The following ATXN2 variants were observed in gnomAD, a reference collection of about 807,000 sequenced individuals.
The protein encoded by ATXN2 is ataxin-2.
ATXN2 carries 37 observed loss-of-function variants against 138.6 expected under a neutral mutation model. That is an observed-to-expected ratio of 0.27 (90% CI 0.21 to 0.35). The LOEUF is 0.35. ATXN2 is among the 10% of genes least tolerant of loss of function. The pLI is 1.00. For synonymous variants in ATXN2, 549 were observed against 543.7 expected (o/e 1.01, Z -0.13); for missense variants, 1,216 against 1,480.3 (o/e 0.82, Z 2.93).
chr12:111,454,100 C>T (rs191263137), intron 23 of ATXN2: 13 of 375,608 alleles, frequency 3.5e-5, no homozygotes, highest in Non-Finnish European at 6.2e-5. Flanking sequence ...CTGTGCTGTC[C>T]TAACCCTTGA....
Position 111,551,295 on chromosome 12 carries a change from CAA to C in ATXN2, c.571+983_571+984del, listed in dbSNP as rs57267901. ...CAGGGGACAGAACAAGACTCCGTCT[CAA>C]AAAAAAAAAAAAAAAGAATTTGAGA... On this transcript the variant is annotated intron_variant, in intron 5 of 24. Coordinates refer to ENST00000673436, the MANE Select transcript of ATXN2 (RefSeq NM_001372574.1). Among the ~76,000 whole-genome samples the C allele has an allele frequency of 4.4e-4, 36 of 82,174 alleles. No homozygotes were observed. The South Asian group carries it at 5.2e-3, about 12-fold the overall frequency. 53.9% of individuals were successfully genotyped at this position (82,174 alleles called of 152,430 possible). A position where few individuals can be genotyped will look rare whatever the true frequency, so the allele number is the denominator to read the frequency against.
At chr12:111,475,692 C>A (rs897641906) in intron 18 of ATXN2, among the ~76,000 whole-genome samples, 4 of 150,248 alleles carry the variant, frequency 2.7e-5, no homozygotes, top group Non-Finnish European at 4.4e-5. Context: ...TTTAAAAAGG[C>A]AACTGATTTT....
chr12:111,569,170 C>T (rs1274938436), intron 1 of ATXN2, among the ~76,000 whole-genome samples: 1 of 152,116 alleles, frequency 6.6e-6, no homozygotes, highest in Non-Finnish European at 1.5e-5. Context: ...GTTCAAATTC[C>T]GGCTCCATCA....
chr12:111,590,163 G>A (rs978905649), intron 1 of ATXN2, among the ~76,000 whole-genome samples: 8 of 152,054 alleles, frequency 5.3e-5, no homozygotes, highest in African/African-American at 1.4e-4. Context: ...ACAGTGAGCC[G>A]AGATTATGCC....
Position 111,518,323 on chromosome 12 carries a change from A to G in ATXN2, c.1091T>C (p.Met364Thr). The G allele has an allele frequency of 6.2e-7, 1 of 1,613,384 alleles. No homozygotes were observed. The highest frequency in any genetic ancestry group is 8.5e-7 in the Non-Finnish European group (1 of 1,179,472). The change falls in exon 9 of 25, where the codon ATG becomes ACG. Residue 364 changes from methionine to threonine, a missense_variant. Around this residue, in one of 4 missense-constraint regions of ATXN2, gnomAD observed 401 missense variants for 528.1 expected, o/e 0.76. Transcript: ENST00000673436. The stretch of plus-strand genomic sequence containing the variant: ...AGTGTGAGAAGTGGATCTTGATGGC[A>G]TGGAGCCCGATCCAGGCTGGCCCAT... ...PRMGQPGSGSMPSRSTSHTSD... is the reference protein window; with the variant it reads ...PRMGQPGSGSTPSRSTSHTSD...
At chr12:111,523,772 A>G (rs188744258) in intron 6 of ATXN2, among the ~76,000 whole-genome samples, 1 of 150,434 alleles carries the variant, frequency 6.6e-6, no homozygotes, top group African/African-American at 2.4e-5. Flanking sequence ...TGAAAAAAAA[A>G]AAAATCCTGG....
At position 111,510,406 on chromosome 12, in the gene ATXN2, C is replaced by A. The variant is rs1472933301; in HGVS notation, c.1735G>T (p.Ala579Ser). 1.9e-6 allele frequency: 3 copies of A among 1,614,130 alleles called. No individual in the cohort carries two copies. Among genetic ancestry groups the A allele is most frequent in the Non-Finnish European group, 1.7e-6 (2 of 1,180,024 alleles). The change falls in exon 12 of 25, where the codon GCT becomes TCT. Residue 579 changes from alanine (A) to serine (S), a missense_variant. Physicochemically the swap from Ala to Ser is moderately conservative, Grantham distance 99. Coordinates refer to ENST00000673436, the MANE Select transcript of ATXN2 (RefSeq NM_001372574.1). The stretch of plus-strand genomic sequence containing the variant: ...ATACCCTCACTAGAAGGGGTAACAG[C>A]TCTGTTCGATGCAGGACTAGCAGGC... ...PTPASPASNRAVTPSSEAKDS... is the reference protein window; with the variant it reads ...PTPASPASNRSVTPSSEAKDS...
intron 1 of ATXN2, among the ~76,000 whole-genome samples, chr12:111,592,849 AGTT>A (rs369425059): frequency 1.5e-4 from 22 of 147,916 alleles, no homozygotes; most frequent in African/African-American, 5.6e-4. Flanking sequence ...TCTCCGTTGA[AGTT>A]GTCACAATCA....
intron 1 of ATXN2, among the ~76,000 whole-genome samples, chr12:111,562,075 T>C (rs1427443318): frequency 1.3e-4 from 20 of 151,190 alleles, no homozygotes; most frequent in Admixed American, 1.3e-3. Context: ...CCTTCCAAAG[T>C]GCTGGGATTA....
intron 1 of ATXN2, among the ~76,000 whole-genome samples, chr12:111,583,583 T>C (rs570173925): frequency 8.1e-4 from 123 of 151,794 alleles, no homozygotes; most frequent in African/African-American, 3.0e-3. Context: ...CTGAACAACA[T>C]GGCGAAAACC....
chr12:111,562,700 A>T (rs1245954460), intron 1 of ATXN2, among the ~76,000 whole-genome samples: 1 of 146,882 alleles, frequency 6.8e-6, no homozygotes, highest in Non-Finnish European at 1.5e-5. Context: ...AGCCTGGGCA[A>T]TAAGAGCGAA....
intron 5 of ATXN2, among the ~76,000 whole-genome samples, chr12:111,545,115 T>C (rs996201132): frequency 6.6e-6 from 1 of 151,252 alleles, no homozygotes; most frequent in Non-Finnish European, 1.5e-5. Context: ...GCCAAGATAG[T>C]GCCACTGCAC....
In ATXN2 at chr12:111,485,819, GGTT is replaced by G. The variant is rs1350533698; in HGVS notation, c.2348_2350del (p.Gln783del). 1 of 1,614,134 alleles carries G rather than the reference GGTT, an allele frequency of 6.2e-7. No individual in the cohort carries two copies. Among genetic ancestry groups the G allele is most frequent in the South Asian group, 1.1e-5 (1 of 91,076 alleles). On this transcript the variant is annotated inframe_deletion, in exon 17 of 25. Coordinates refer to ENST00000673436, the MANE Select transcript of ATXN2 (RefSeq NM_001372574.1). Reference sequence around the variant, plus strand: ...TTGATGACCCACCATAGATGGGCTAGGTTGTGCTTGAGGCCGAGGTGAAGTTGG... The same window carrying G: ...TTGATGACCCACCATAGATGGGCTAGGTGCTTGAGGCCGAGGTGAAGTTGG...
chr12:111,521,277 C>T (rs1880143156), intron 6 of ATXN2, among the ~76,000 whole-genome samples: 1 of 152,156 alleles, frequency 6.6e-6, no homozygotes, highest in South Asian at 2.1e-4. Flanking sequence ...TAAAAGCCAC[C>T]TTTCAGTTAG....
chr12:111,454,718 C>G, intron 23 of ATXN2: 1 of 324,226 alleles, frequency 3.1e-6, no homozygotes, highest in Non-Finnish European at 6.0e-6. Flanking sequence ...TTTTTACTCT[C>G]ACATATTCAA....
intron 5 of ATXN2, among the ~76,000 whole-genome samples, chr12:111,546,453 G>A (rs1566056238): frequency 6.6e-6 from 1 of 152,130 alleles, no homozygotes; most frequent in African/African-American, 2.4e-5. Flanking sequence ...GCATAGCTAT[G>A]CTACAATAAA....
chr12:111,535,833 T>C (rs1881130924), intron 5 of ATXN2, among the ~76,000 whole-genome samples: 1 of 151,194 alleles, frequency 6.6e-6, no homozygotes, highest in African/African-American at 2.4e-5. Flanking sequence ...ACCCCGTCTC[T>C]ACTAAAAATA....
chr12:111,464,335 TTG>T (rs375641693), intron 21 of ATXN2, among the ~76,000 whole-genome samples: 5,357 of 105,358 alleles, frequency 0.051, 259 homozygotes, highest in African/African-American at 0.19. Context: ...GTGTGTGTGT[TTG>T]TGTGTGTGTG....
intron 1 of ATXN2, among the ~76,000 whole-genome samples, chr12:111,572,795 A>G (rs2135815820): frequency 6.6e-6 from 1 of 152,306 alleles, no homozygotes; most frequent in East Asian, 1.9e-4. Context: ...CAGACTTTGC[A>G]GCCTACCAAC....
Sources: gnomAD v4.1 joint callset for allele counts (sites outside exome capture counted in the v4.1 genomes callset) on GRCh38, gnomAD v4.1.1 for gene constraint, gnomAD v4.1.1 regional missense constraint, MANE v1.5 for transcripts, NCBI Gene and HGNC (gene_info 2026-07-23, HGNC 2026-07-21) for gene names.